The following HADHA variants were observed in gnomAD, a reference collection of about 807,000 sequenced individuals.
The protein encoded by HADHA is hydroxyacyl-CoA dehydrogenase trifunctional multienzyme complex subunit alpha.
HADHA carries 59 observed loss-of-function variants against 91.3 expected under a neutral mutation model. The ratio of observed to expected loss-of-function variants is 0.65; its 90% CI spans 0.52 to 0.80. HADHA has a LOEUF of 0.80. Among genes scored for constraint, HADHA ranks in the 30% least tolerant of loss-of-function variants. The pLI is 0.00. For missense variants in HADHA, 800 were observed against 927.6 expected (o/e 0.86, Z 1.79); for synonymous variants, 320 against 338.9 (o/e 0.94, Z 0.61).
chr2:26,200,377 C>T (rs889383865), intron 13 of HADHA, among the ~76,000 whole-genome samples: 2 of 152,180 alleles, frequency 1.3e-5, no homozygotes, highest in Non-Finnish European at 2.9e-5. Context: ...TTCCTACTCC[C>T]CACTTCAAGT....
rs1002980464 is a variant in HADHA at position 26,214,184 on chromosome 2, T to C, written c.918+259A>G. ...GATACTGATATGACTTAGGTTCCTT[T>C]CCTGGTTTTCTGGTTTGTTACTGAT... On this transcript the variant is annotated intron_variant, in intron 9 of 19. Transcript: ENST00000380649. This position sits in a 1 kb window ranked among gnomAD's most constrained non-coding sequence, Gnocchi z 4.1. Among the ~76,000 whole-genome samples the C allele has an allele frequency of 1.3e-5, 2 of 152,210 alleles. No individual in the cohort carries two copies. The highest frequency in any genetic ancestry group is 4.8e-5 in the African/African-American group (2 of 41,440).
intron 7 of HADHA, among the ~76,000 whole-genome samples, chr2:26,223,277 T>C (rs2196153): frequency 0.6 from 91,690 of 152,024 alleles, 29,344 homozygotes; most frequent in Non-Finnish European, 0.72. Context: ...GATATTAGGT[T>C]GCTACTATAC....
At position 26,235,702 on chromosome 2, in the gene HADHA, A is replaced by G. The variant is rs190278560; in HGVS notation, c.314+1153T>C. On this transcript the variant is annotated intron_variant, in intron 4 of 19. Coordinates refer to ENST00000380649, the MANE Select transcript of HADHA (RefSeq NM_000182.5). The stretch of plus-strand genomic sequence containing the variant: ...AATTACACTTTCAGTACAAATTACT[A>G]AACCTACAATGCTGGCTATCATTGT... Among the ~76,000 whole-genome samples the G allele has an allele frequency of 1.1e-3, 170 of 152,374 alleles. 1 individual carries two copies. The highest frequency in any genetic ancestry group is 3.9e-3 in the African/African-American group (163 of 41,584).
At chr2:26,192,603 T>C (rs551191116) in intron 17 of HADHA, among the ~76,000 whole-genome samples, 179 bp from the exon 18 acceptor site, 1 of 152,166 alleles carries the variant, frequency 6.6e-6, no homozygotes, top group Non-Finnish European at 1.5e-5. Flanking sequence ...CTGGCCAACA[T>C]GGTGAAACCC....
chr2:26,208,904 C>T (rs1027302696), intron 11 of HADHA, among the ~76,000 whole-genome samples: 3 of 152,138 alleles, frequency 2.0e-5, no homozygotes, highest in Non-Finnish European at 4.4e-5. Context: ...CTGTTTCACC[C>T]GGACTTCTTA....
At position 26,212,145 on chromosome 2, in the gene HADHA, C is replaced by T. The variant is rs184781952; in HGVS notation, c.975+425G>A. On this transcript the variant is annotated intron_variant, in intron 10 of 19. Transcript: ENST00000380649. ...TCACCCAGGCTGGAATGCAGTGGTG[C>T]GATCTTACTTAGCTCACTGCAGCCC... The T allele has an allele frequency of 1.3e-3, 242 of 193,428 alleles. 3 individuals carry two copies. Among genetic ancestry groups the T allele is most frequent in the East Asian group, 0.012 (89 of 7,146 alleles). The allele number at this position is 193,428 out of a possible 1,614,324, so 12.0% of individuals were successfully genotyped here.
intron 17 of HADHA, among the ~76,000 whole-genome samples, chr2:26,192,943 G>A (rs1669553772): frequency 6.6e-6 from 1 of 152,256 alleles, no homozygotes; most frequent in Admixed American, 6.5e-5. Context: ...GATGAGAAAG[G>A]CCACCTGGGT....
At chr2:26,208,402 T>C (rs1356298784) in intron 11 of HADHA, among the ~76,000 whole-genome samples, 3 of 152,218 alleles carry the variant, frequency 2.0e-5, no homozygotes, top group African/African-American at 7.2e-5. Context: ...ACTACCTCCA[T>C]ACGACAATAA....
At chr2:26,231,573 A>G (rs1198157695) in intron 6 of HADHA, among the ~76,000 whole-genome samples, 1 of 152,240 alleles carries the variant, frequency 6.6e-6, no homozygotes, top group Non-Finnish European at 1.5e-5. Flanking sequence ...TATTATGTGG[A>G]AAAGGAACCA....
chr2:26,233,132 G>C (rs1670665718), intron 5 of HADHA, among the ~76,000 whole-genome samples: 1 of 152,146 alleles, frequency 6.6e-6, no homozygotes, highest in Non-Finnish European at 1.5e-5. Flanking sequence ...ACAGGAGGCG[G>C]AACTCAGGTG....
chr2:26,209,805 A>G lies in HADHA; in HGVS notation c.1060T>C (p.Phe354Leu). The change falls in exon 11 of 20, where the codon TTT (phenylalanine) becomes CTT (leucine). Residue 354 changes from phenylalanine (F) to leucine (L), a missense_variant. Phe to Leu is a conservative substitution (Grantham distance 22). Coordinates refer to ENST00000380649, the MANE Select transcript of HADHA (RefSeq NM_000182.5). ...TTAACATCCTTCTGTGGAGCTCCAA[A>G]TTTATTCTTCTTGCACAGGACCTGA... ...HGQVLCKKNK[F>L]GAPQKDVKHL... 1.3e-6 allele frequency: 2 copies of G among 1,588,824 alleles called. No homozygotes were observed. The highest frequency in any genetic ancestry group is 1.7e-6 in the Non-Finnish European group (2 of 1,157,002).
intron 7 of HADHA, among the ~76,000 whole-genome samples, chr2:26,216,430 C>T (rs909152125): frequency 4.0e-5 from 6 of 148,590 alleles, no homozygotes; most frequent in African/African-American, 1.5e-4. Context: ...AAGCGATTCT[C>T]CTGCCTCAGC....
At chr2:26,223,895 T>A (rs1670430012) in intron 7 of HADHA, among the ~76,000 whole-genome samples, 1 of 151,984 alleles carries the variant, frequency 6.6e-6, no homozygotes. Flanking sequence ...TGCAGGCATG[T>A]ACCACCACGC....
chr2:26,228,440 T>C (rs934331664), intron 7 of HADHA, among the ~76,000 whole-genome samples: 2 of 152,040 alleles, frequency 1.3e-5, no homozygotes, highest in Non-Finnish European at 2.9e-5. Context: ...CACGCCCACA[T>C]AAAGACTTAA....
intron 1 of HADHA, among the ~76,000 whole-genome samples, chr2:26,242,011 C>G (rs778010111): frequency 6.6e-6 from 1 of 151,788 alleles, no homozygotes; most frequent in Non-Finnish European, 1.5e-5. Context: ...AAGCGATTCT[C>G]CCACCTCAGC....
intron 18 of HADHA, among the ~76,000 whole-genome samples, chr2:26,191,900 G>C (rs1049294996): frequency 6.6e-6 from 1 of 152,246 alleles, no homozygotes; most frequent in Non-Finnish European, 1.5e-5. Context: ...GCAACAGTCA[G>C]CTGCTCACAA....
chr2:26,221,217 G>C lies in HADHA; in HGVS notation c.677-6042C>G, dbSNP rs1212595383. 6.6e-6 allele frequency among the ~76,000 whole-genome samples: 1 copy of C among 152,194 alleles called. No homozygotes were observed. The highest frequency in any genetic ancestry group is 1.9e-4 in the East Asian group (1 of 5,198). On this transcript the variant is annotated intron_variant, in intron 7 of 19. Transcript: ENST00000380649. The surrounding 1 kb of genome is among the most constrained non-coding windows in gnomAD (Gnocchi z 4.8). ...GACCCAGAACAAGAGAAGCTGTTCTGCCATTTGGGCCACGTGATTCAAACC... is the reference window on the plus strand; with the variant it reads ...GACCCAGAACAAGAGAAGCTGTTCTCCCATTTGGGCCACGTGATTCAAACC...
intron 7 of HADHA, among the ~76,000 whole-genome samples, chr2:26,218,618 T>C (rs1046894200): frequency 6.6e-6 from 1 of 152,212 alleles, no homozygotes; most frequent in East Asian, 1.9e-4. Flanking sequence ...TTATAATGTA[T>C]GTAGCAGTAA....
At chr2:26,233,524 A>C (rs1312922537) in intron 5 of HADHA, among the ~76,000 whole-genome samples, 2 of 152,010 alleles carry the variant, frequency 1.3e-5, no homozygotes, top group Non-Finnish European at 2.9e-5. Context: ...TCTTCTCTCA[A>C]ATCTTCTATT....
Sources: gnomAD v4.1 joint callset for allele counts (sites outside exome capture counted in the v4.1 genomes callset) on GRCh38, gnomAD v4.1.1 for gene constraint, Gnocchi (gnomAD v3.1) non-coding constraint, MANE v1.5 for transcripts, NCBI Gene and HGNC (gene_info 2026-07-23, HGNC 2026-07-21) for gene names.